The following PTPN4 variants were observed in gnomAD, a reference collection of about 807,000 sequenced individuals.
The protein encoded by PTPN4 is tyrosine-protein phosphatase non-receptor type 4.
A neutral mutation model predicts 135.5 loss-of-function variants in PTPN4; 49 were observed. That is an observed-to-expected ratio of 0.36 (90% CI 0.29 to 0.46). PTPN4 has a LOEUF of 0.46. Among genes scored for constraint, PTPN4 ranks in the 20% least tolerant of loss-of-function variants. PTPN4 has a pLI of 1.00. For missense variants in PTPN4, 860 were observed against 1,101.0 expected (o/e 0.78, Z 3.10); for synonymous variants, 333 against 369.9 (o/e 0.90, Z 1.14).
intron 12 of PTPN4, 32 bp downstream of exon 12, chr2:119,920,273 G>T (rs768956578): frequency 6.5e-7 from 1 of 1,537,710 alleles, no homozygotes; most frequent in South Asian, 1.2e-5. Flanking sequence ...AGGCTTTATT[G>T]TTGGATTTTG....
chr2:119,979,180 G>C lies in PTPN4; in HGVS notation c.*2110G>C, dbSNP rs1558781378. Reference sequence around the variant, plus strand: ...TACACATTAAATGACTGTTTTGGCAGTTTTTCACCTGAATTTAAAAATAAA... The same window carrying C: ...TACACATTAAATGACTGTTTTGGCACTTTTTCACCTGAATTTAAAAATAAA... On this transcript the variant is annotated 3_prime_UTR_variant, in exon 27 of 27. Coordinates refer to ENST00000263708, the MANE Select transcript of PTPN4 (RefSeq NM_002830.4). 6.6e-6 allele frequency: 1 copy of C among 152,116 alleles called. No homozygotes were observed. The highest frequency in any genetic ancestry group is 6.6e-5 in the Admixed American group (1 of 15,264). The allele number at this position is 152,116 out of a possible 1,614,324, so 9.4% of individuals were successfully genotyped here.
intron 1 of PTPN4, among the ~76,000 whole-genome samples, chr2:119,799,608 C>G (rs1490611900): frequency 2.0e-5 from 3 of 152,176 alleles, no homozygotes; most frequent in Non-Finnish European, 4.4e-5. Flanking sequence ...CTTACAGATT[C>G]TCACCTTTCT....
At chr2:119,909,351 G>A (rs1306712693) in intron 10 of PTPN4, among the ~76,000 whole-genome samples, 1 of 152,140 alleles carries the variant, frequency 6.6e-6, no homozygotes, top group Non-Finnish European at 1.5e-5. Flanking sequence ...CCTTACCTGT[G>A]TTCTAGAAAT....
intron 9 of PTPN4, among the ~76,000 whole-genome samples, chr2:119,894,148 C>T (rs1429505102): frequency 6.6e-6 from 1 of 152,156 alleles, no homozygotes; most frequent in African/African-American, 2.4e-5. Context: ...CATATAATCC[C>T]TATTTCTGTA....
At chr2:119,885,693 T>G (rs1678145434) in intron 8 of PTPN4, 102 bp from the exon 9 acceptor site, 1 of 755,600 alleles carries the variant, frequency 1.3e-6, no homozygotes, top group Non-Finnish European at 2.1e-6. Context: ...TAGATTTAAT[T>G]AGACTGCTCA....
intron 22 of PTPN4, among the ~76,000 whole-genome samples, chr2:119,958,324 C>G (rs544330960): frequency 1.9e-5 from 2 of 102,570 alleles, no homozygotes; most frequent in African/African-American, 6.4e-5. Context: ...GAACAAGACC[C>G]GTCTAAAAAA....
chr2:119,953,373 C>G (rs561693105), intron 19 of PTPN4, among the ~76,000 whole-genome samples: 1 of 152,086 alleles, frequency 6.6e-6, no homozygotes, highest in African/African-American at 2.4e-5. Flanking sequence ...AATAAAAAAT[C>G]CTCTTTGTAC....
intron 1 of PTPN4, among the ~76,000 whole-genome samples, chr2:119,784,757 C>T (rs1691016872): frequency 7.5e-6 from 1 of 132,924 alleles, no homozygotes; most frequent in Non-Finnish European, 1.5e-5. Flanking sequence ...AGGGTGGTCT[C>T]GAACTCCTGA....
chr2:119,978,471 C>T lies in PTPN4; in HGVS notation c.*1401C>T, dbSNP rs543292963. The T allele has an allele frequency of 6.6e-6, 1 of 152,108 alleles. No individual in the cohort carries two copies. Among genetic ancestry groups the T allele is most frequent in the South Asian group, 2.1e-4 (1 of 4,820 alleles). The allele number at this position is 152,108 out of a possible 1,614,324, so 9.4% of individuals were successfully genotyped here. On this transcript the variant is annotated 3_prime_UTR_variant, in exon 27 of 27. Coordinates refer to ENST00000263708, the MANE Select transcript of PTPN4 (RefSeq NM_002830.4). ...ATTAAATTATTCCATTTTATATATA[C>T]TTATTAAGTTATAAGCATGTTAATA...
chr2:119,832,832 A>G (rs1278735574), intron 2 of PTPN4, among the ~76,000 whole-genome samples: 1 of 152,082 alleles, frequency 6.6e-6, no homozygotes, highest in East Asian at 1.9e-4. Flanking sequence ...GCCTTTATAC[A>G]TTCTTTTACG....
intron 12 of PTPN4, among the ~76,000 whole-genome samples, chr2:119,923,588 AAC>A (rs1678768520): frequency 6.6e-6 from 1 of 152,148 alleles, no homozygotes. Context: ...CCTTCCTGAA[AAC>A]ATTTATTAAG....
At chr2:119,805,182 A>C (rs190086551) in intron 1 of PTPN4, among the ~76,000 whole-genome samples, 1 of 152,170 alleles carries the variant, frequency 6.6e-6, no homozygotes, top group Non-Finnish European at 1.5e-5. Flanking sequence ...GATTCTGGAT[A>C]TTAGCCCTTC....
chr2:119,940,917 T>C (rs1417991040), intron 15 of PTPN4, among the ~76,000 whole-genome samples: 1 of 152,210 alleles, frequency 6.6e-6, no homozygotes, highest in African/African-American at 2.4e-5. Flanking sequence ...TTTCTCACTT[T>C]CCCTAACTCA....
chr2:119,766,443 T>C lies in PTPN4; in HGVS notation c.-18+6059T>C, dbSNP rs1467694584. Among the ~76,000 whole-genome samples the C allele has an allele frequency of 1.5e-4, 16 of 109,766 alleles. 1 individual carries two copies. The highest frequency in any genetic ancestry group is 2.2e-4 in the Non-Finnish European group (11 of 50,392). The allele number at this position is 109,766 out of a possible 152,430, so 72.0% of individuals were successfully genotyped here. On this transcript the variant is annotated intron_variant, in intron 1 of 26. Coordinates refer to ENST00000263708, the MANE Select transcript of PTPN4 (RefSeq NM_002830.4). ...CCCATTTCACTGGTGTATGCGCATGTGCGCGCGTGTGTGTGTGTGTGTGTG... is the reference window on the plus strand; with the variant it reads ...CCCATTTCACTGGTGTATGCGCATGCGCGCGCGTGTGTGTGTGTGTGTGTG...
At chr2:119,895,755 A>T (rs560624590) in intron 9 of PTPN4, among the ~76,000 whole-genome samples, 2 of 152,150 alleles carry the variant, frequency 1.3e-5, no homozygotes, top group Non-Finnish European at 2.9e-5. Flanking sequence ...CCCCGTCTCT[A>T]CTAAAAATAC....
At chr2:119,804,011 T>A (rs1030036239) in intron 1 of PTPN4, among the ~76,000 whole-genome samples, 39 of 152,210 alleles carry the variant, frequency 2.6e-4, no homozygotes, top group Admixed American at 3.9e-4. Flanking sequence ...TCCATCCTTG[T>A]ACTTTCTACC....
intron 9 of PTPN4, among the ~76,000 whole-genome samples, chr2:119,887,856 C>T (rs932209946): frequency 2.0e-5 from 3 of 151,996 alleles, no homozygotes; most frequent in African/African-American, 7.3e-5. Flanking sequence ...TATTTGAGCT[C>T]TTTTTTGTTT....
chr2:119,899,898 A>G (rs1678379622), intron 9 of PTPN4, among the ~76,000 whole-genome samples: 1 of 152,144 alleles, frequency 6.6e-6, no homozygotes, highest in Admixed American at 6.5e-5. Flanking sequence ...TATTTGTTCT[A>G]GGAAGACAAT....
chr2:119,836,001 G>A (rs564922917), intron 2 of PTPN4, among the ~76,000 whole-genome samples: 6 of 151,936 alleles, frequency 3.9e-5, no homozygotes, highest in East Asian at 3.9e-4. Context: ...TCCGGGAGGC[G>A]GAGGTTGCAG....
Sources: allele counts gnomAD v4.1 joint callset (sites outside exome capture counted in the v4.1 genomes callset), GRCh38; gene constraint gnomAD v4.1.1; transcripts MANE v1.5; gene names NCBI Gene and HGNC (gene_info 2026-07-23, HGNC 2026-07-21).